Variants in WLS observed in about 807,000 individuals in gnomAD.
WLS encodes Wnt ligand secretion mediator, also known as protein wntless homolog.
Under a neutral mutation model 62.8 loss-of-function variants are expected in WLS, and 23 were observed. The ratio of observed to expected loss-of-function variants is 0.37; its 90% confidence interval spans 0.26 to 0.52. WLS has a LOEUF of 0.52. Ranked by LOEUF, WLS falls within the 20% of genes least tolerant of loss-of-function variation. The pLI is 0.92. For synonymous variants in WLS, 246 were observed against 244.1 expected, an observed-to-expected ratio of 1.01 and a Z score of -0.07; for missense variants, 615 against 697.3, an observed-to-expected ratio of 0.88 and a Z score of 1.33.
intron 1 of WLS, chr1:68,228,179 C>A (rs1428441752): frequency 2.0e-5 from 8 of 404,092 alleles, no homozygotes; most frequent in Non-Finnish European, 3.8e-5. Flanking sequence ...AAACAATGAT[C>A]TTTTCTAAAG....
intron 11 of WLS, among the ~76,000 whole-genome samples, chr1:68,116,143 A>C (rs1646288718): frequency 6.6e-6 from 1 of 152,182 alleles, no homozygotes; most frequent in Non-Finnish European, 1.5e-5. Context: ...AGCAGGGTTC[A>C]CAGGACCTTA....
At chr1:68,109,144 G>T (rs993596650) in intron 11 of WLS, among the ~76,000 whole-genome samples, 2 of 152,230 alleles carry the variant, frequency 1.3e-5, no homozygotes, top group Admixed American at 1.3e-4. Context: ...AGGCAGGGTT[G>T]CCCTGCTGGC....
chr1:68,217,258 G>C, intron 1 of WLS, among the ~76,000 whole-genome samples: 1 of 152,150 alleles, frequency 6.6e-6, no homozygotes, highest in Non-Finnish European at 1.5e-5. Flanking sequence ...ATTGATTAAA[G>C]CTTGAAGCCT....
At chr1:68,132,937 A>C (rs1570856339) in intron 11 of WLS, among the ~76,000 whole-genome samples, 2 of 152,170 alleles carry the variant, frequency 1.3e-5, no homozygotes, top group East Asian at 3.9e-4. Flanking sequence ...TGCTCTGAGA[A>C]GAGGATTCAC....
intron 10 of WLS, 46 bp from the exon 11 acceptor site, chr1:68,137,979 A>C: frequency 6.2e-7 from 1 of 1,608,184 alleles, no homozygotes; most frequent in Non-Finnish European, 8.5e-7. Flanking sequence ...GAGAAGAAAC[A>C]GAAGAAACAT....
intron 10 of WLS, among the ~76,000 whole-genome samples, chr1:68,139,327 C>T (rs758267683): frequency 2.0e-5 from 3 of 152,222 alleles, no homozygotes; most frequent in South Asian, 2.1e-4. Context: ...CTCCAAATGT[C>T]GCTCTTCTTT....
Position 68,150,258 on chromosome 1 carries a change from T to C in WLS, c.902A>G (p.Asp301Gly). Residue 301 changes from aspartate to glycine, a missense_variant, in exon 6 of 12, where the codon GAC becomes GGC. Asp to Gly is a moderately conservative substitution (Grantham distance 94). Coordinates refer to ENST00000262348, the MANE Select transcript of WLS (RefSeq NM_024911.7). The stretch of plus-strand genomic sequence containing the variant: ...CGCATAGAAGATGCCCTGTCGGATG[T>C]CACCAAACAGCAGCATCCAGGTCCA... ...FDWTWMLLFG[D>G]IRQGIFYAML... is the part of the protein sequence containing the mutation. 2 of 1,614,184 alleles carry C rather than the reference T, an allele frequency of 1.2e-6. No individual in the cohort carries two copies. The highest frequency in any genetic ancestry group is 1.1e-5 in the South Asian group (1 of 91,080).
chr1:68,110,000 CAAAAAGTAAAAAAAAAAAAAAAA>C (rs1557445705), intron 11 of WLS, among the ~76,000 whole-genome samples: 2 of 98,674 alleles, frequency 2.0e-5, no homozygotes, highest in Non-Finnish European at 4.2e-5. Flanking sequence ...GAACACAACA[CAAAAAGTAAAAAAAAAAAAAAAA>C]AAAAAAAAAA....
chr1:68,112,394 C>T (rs751006371), intron 11 of WLS, among the ~76,000 whole-genome samples: 1 of 152,190 alleles, frequency 6.6e-6, no homozygotes, highest in Non-Finnish European at 1.5e-5. Flanking sequence ...TGGGTCCCAC[C>T]TACTTCTCAC....
chr1:68,179,393 C>T (rs1226410173), intron 2 of WLS, among the ~76,000 whole-genome samples: 1 of 152,140 alleles, frequency 6.6e-6, no homozygotes, highest in East Asian at 1.9e-4. Context: ...GGGATCAAGG[C>T]ACTGGAGTCC....
chr1:68,193,560 T>TA lies in WLS; in HGVS notation c.379+394dup, dbSNP rs74508929. On this transcript the variant is annotated intron_variant, in intron 2 of 11. Coordinates refer to ENST00000262348, the MANE Select transcript of WLS (RefSeq NM_024911.7). ...TCAAAGCCCAGTGGAAAAAGACATT[T>TA]AAAAAAAAATAAAAACCTTTCAGGA... is the stretch of plus-strand genomic sequence containing the variant. Among the ~76,000 whole-genome samples the TA allele has an allele frequency of 1.0e-3, 157 of 150,670 alleles. 1 individual carries two copies. Among genetic ancestry groups the TA allele is most frequent in the African/African-American group, 3.3e-3 (134 of 41,072 alleles).
intron 1 of WLS, among the ~76,000 whole-genome samples, chr1:68,217,620 G>A (rs964015159): frequency 3.3e-5 from 5 of 152,108 alleles, no homozygotes; most frequent in Non-Finnish European, 7.4e-5. Flanking sequence ...GTGAACACAC[G>A]CACACAAAAC....
At chr1:68,145,270 C>T (rs1646737745) in intron 9 of WLS, among the ~76,000 whole-genome samples, 1 of 152,152 alleles carries the variant, frequency 6.6e-6, no homozygotes, top group African/African-American at 2.4e-5. Flanking sequence ...CTTGTTTCTC[C>T]AAGGACAGCC....
chr1:68,216,243 C>T (rs535624144), intron 1 of WLS, among the ~76,000 whole-genome samples: 4 of 152,336 alleles, frequency 2.6e-5, no homozygotes, highest in South Asian at 4.1e-4. Context: ...CTTCCACAAA[C>T]ATAGCTACTG....
chr1:68,154,142 A>T (rs1646864948), intron 4 of WLS, among the ~76,000 whole-genome samples: 1 of 152,076 alleles, frequency 6.6e-6, no homozygotes, highest in Non-Finnish European at 1.5e-5. Flanking sequence ...CCCCCAAAAA[A>T]GCCACATTTG....
chr1:68,197,215 T>A (rs1648714706), intron 1 of WLS, among the ~76,000 whole-genome samples: 1 of 152,116 alleles, frequency 6.6e-6, no homozygotes, highest in African/African-American at 2.4e-5. Flanking sequence ...CTGAACACTT[T>A]ATGGTCACAA....
At chr1:68,202,361 C>T (rs146150636) in intron 1 of WLS, 2 of 152,262 alleles carry the variant, frequency 1.3e-5, no homozygotes, top group African/African-American at 4.8e-5. Context: ...ATTGGTGTAG[C>T]AATCCAGTGG....
chr1:68,105,672 G>A (rs1229265011), intron 11 of WLS, among the ~76,000 whole-genome samples: 2 of 152,112 alleles, frequency 1.3e-5, no homozygotes, highest in Admixed American at 1.3e-4. Context: ...CGTATAAATG[G>A]GAAACACACA....
chr1:68,231,314 CGAG>C (rs1368883156), intron 1 of WLS, among the ~76,000 whole-genome samples: 2 of 151,960 alleles, frequency 1.3e-5, no homozygotes, highest in South Asian at 2.1e-4. Flanking sequence ...GCGCTGTCGC[CGAG>C]GAGGCCGGCG....
Sources: gnomAD v4.1 joint callset for allele counts (sites outside exome capture counted in the v4.1 genomes callset) on GRCh38, gnomAD v4.1.1 for gene constraint, MANE v1.5 for transcripts, NCBI Gene and HGNC (gene_info 2026-07-23, HGNC 2026-07-21) for gene names.